PLA2G4F: variants seen among roughly 807,000 people sequenced by gnomAD.
The protein encoded by PLA2G4F is phospholipase A2 group IVF.
PLA2G4F carries 105 observed loss-of-function variants against 103.1 expected under a neutral mutation model. The ratio of observed to expected loss-of-function variants is 1.02; its 90% CI spans 0.87 to 1.20. The LOEUF (loss-of-function observed/expected upper bound fraction) is 1.20, where lower values mean the gene tolerates loss of function less well. Among genes scored for constraint, PLA2G4F ranks in the 50% most tolerant of loss-of-function variants. The pLI is 0.00. For missense variants in PLA2G4F, 1,155 were observed against 1,075.9 expected, an observed-to-expected ratio of 1.07 and a Z score of -1.03; for synonymous variants, 468 against 441.1, an observed-to-expected ratio of 1.06 and a Z score of -0.76.
chr15:42,142,683 T>C lies in PLA2G4F; in HGVS notation c.2174A>G (p.Asp725Gly), dbSNP rs2048837938. 6.2e-7 allele frequency: 1 copy of C among 1,614,054 alleles called. No individual in the cohort carries two copies. Among genetic ancestry groups the C allele is most frequent in the East Asian group, 2.2e-5 (1 of 44,870 alleles). Residue 725 changes from aspartate to glycine, a missense_variant, in exon 19 of 20, where the codon GAC becomes GGC. By Grantham distance (94) the Asp-to-Gly change is moderately conservative. Around this residue, in one of 3 missense-constraint regions of PLA2G4F, gnomAD observed 782 missense variants for 692.9 expected, o/e 1.13. Transcript: ENST00000397272. Reference protein sequence around the residue: ...VLKMTEKYCLDRGIPFPSIEV... With the variant: ...VLKMTEKYCLGRGIPFPSIEV... ...GATGCTAGGGAAGGGGATTCCTCGGTCCAGGCAGTACTTCTCTGTCATCTT... is the reference window on the plus strand; with the variant it reads ...GATGCTAGGGAAGGGGATTCCTCGGCCCAGGCAGTACTTCTCTGTCATCTT...
chr15:42,149,011 C>T, intron 11 of PLA2G4F: 1 of 985,342 alleles, frequency 1.0e-6, no homozygotes, highest in Non-Finnish European at 1.2e-6. Flanking sequence ...CTGGAGGAAG[C>T]CGGCAGCCTA....
chr15:42,155,123 A>T (rs1476465594), intron 2 of PLA2G4F, among the ~76,000 whole-genome samples: 1 of 151,710 alleles, frequency 6.6e-6, no homozygotes, highest in Non-Finnish European at 1.5e-5. Context: ...GTTCACACAC[A>T]CTCGCACTCA....
At chr15:42,153,481 T>G in intron 5 of PLA2G4F, 139 bp from the exon 6 acceptor site, 1 of 1,458,586 alleles carries the variant, frequency 6.9e-7, no homozygotes, top group Non-Finnish European at 9.5e-7. Flanking sequence ...CCGCCCAACA[T>G]GCAGATGGGT....
At chr15:42,144,253 C>T in intron 17 of PLA2G4F, 109 bp from the exon 18 acceptor site, 4 of 1,433,404 alleles carry the variant, frequency 2.8e-6, no homozygotes, top group Non-Finnish European at 3.8e-6. Flanking sequence ...TTCTCTCTGA[C>T]AGCCATGGAG....
rs12593970 is a variant in PLA2G4F, at chr15:42,146,311, C to T, written c.1420-70G>A. The stretch of plus-strand genomic sequence containing the variant: ...ATTCCCCATCCCCGTGGCCTGGGGC[C>T]GGCACCCTGCAAGGCGTGGTGTGCC... On this transcript the variant is annotated intron_variant, in intron 13 of 19. Coordinates refer to ENST00000397272, the MANE Select transcript of PLA2G4F (RefSeq NM_213600.4). 0.025 allele frequency: 35,846 copies of T among 1,419,174 alleles called. 3,846 individuals carry two copies. In the Admixed American group the frequency reaches 0.3, roughly 12 times the overall value. The allele number at this position is 1,419,174 out of a possible 1,614,324, so 87.9% of individuals were successfully genotyped here. A position where few individuals can be genotyped will look rare whatever the true frequency, so the allele number is the denominator to read the frequency against.
chr15:42,149,568 GGTCCT>G lies in PLA2G4F; in HGVS notation c.1059+140_1059+144del, dbSNP rs1380801378. 90 of 1,434,112 alleles carry G rather than the reference GGTCCT, an allele frequency of 6.3e-5. No individual in the cohort carries two copies. In the Admixed American group the frequency reaches 2.4e-3, roughly 38 times the overall value. The allele number at this position is 1,434,112 out of a possible 1,614,324, so 88.8% of individuals were successfully genotyped here. A position where few individuals can be genotyped will look rare whatever the true frequency, so the allele number is the denominator to read the frequency against. On this transcript the variant is annotated intron_variant, in intron 11 of 19. Transcript: ENST00000397272. ...GCCGTTTGGCCCTGGTCCCATATGGGGTCCTAGCTCTGCCGATGGTGCCCACAGCT... is the reference window on the plus strand; with the variant it reads ...GCCGTTTGGCCCTGGTCCCATATGGGAGCTCTGCCGATGGTGCCCACAGCT...
chr15:42,144,740 G>C, intron 16 of PLA2G4F, 96 bp from the exon 17 acceptor site: 8 of 1,259,942 alleles, frequency 6.3e-6, no homozygotes, highest in Non-Finnish European at 5.3e-6. Context: ...CCAACAGTGA[G>C]CCCTCCCCAC....
At chr15:42,147,561 C>G (rs905641077) in intron 12 of PLA2G4F, 65 bp downstream of exon 12, 1 of 1,567,888 alleles carries the variant, frequency 6.4e-7, no homozygotes. Flanking sequence ...CTTAAGATCA[C>G]CAGGTCACAA....
At chr15:42,156,058 G>A (rs976125611) in intron 1 of PLA2G4F, among the ~76,000 whole-genome samples, 1 of 152,100 alleles carries the variant, frequency 6.6e-6, no homozygotes, top group Non-Finnish European at 1.5e-5. Flanking sequence ...GTCACCGGCC[G>A]GCCGGTACCG....
At chr15:42,150,344 G>A in intron 9 of PLA2G4F, 29 bp downstream of exon 9, 2 of 1,579,880 alleles carry the variant, frequency 1.3e-6, no homozygotes, top group Non-Finnish European at 1.7e-6. Flanking sequence ...GCAGGCAGGG[G>A]TCCCTCTGGC....
chr15:42,155,700 G>T, intron 1 of PLA2G4F, 111 bp from the exon 2 acceptor site: 2 of 1,074,416 alleles, frequency 1.9e-6, no homozygotes, highest in Non-Finnish European at 2.8e-6. Context: ...GGTCACTGAC[G>T]TCTCTGTGCC....
At chr15:42,151,789 C>T (rs2048964951) in intron 7 of PLA2G4F, 1 of 506,960 alleles carries the variant, frequency 2.0e-6, no homozygotes, top group African/African-American at 2.1e-5. Context: ...TGTCACCGAC[C>T]TGGGTTTGAC....
In PLA2G4F at chr15:42,147,200, A is replaced by T; in HGVS notation, c.1343T>A (p.Val448Asp). 6.2e-7 allele frequency: 1 copy of T among 1,612,648 alleles called. No individual in the cohort carries two copies. Among genetic ancestry groups the T allele is most frequent in the Non-Finnish European group, 8.5e-7 (1 of 1,179,948 alleles). Residue 448 changes from valine (V) to aspartate (D), a missense_variant, in exon 13 of 20, where the codon GTC (valine) becomes GAC (aspartate). By Grantham distance (152) the Val-to-Asp change is radical. This residue lies in a region of PLA2G4F where 782 missense variants were observed against 692.9 expected (regional missense o/e 1.13). Coordinates refer to ENST00000397272, the MANE Select transcript of PLA2G4F (RefSeq NM_213600.4). Reference sequence around the variant, plus strand: ...CACGCTGTGGCCACTGCGCTCCCGGACCCCCAGTTCCTGAGTGTAGTACTG... The same window carrying T: ...CACGCTGTGGCCACTGCGCTCCCGGTCCCCCAGTTCCTGAGTGTAGTACTG... ...RLQYYTQELG[V>D]RERSGHSVSL... is the part of the protein sequence containing the mutation.
chr15:42,150,851 G>T (rs74009020), intron 7 of PLA2G4F, 74 bp from the exon 8 acceptor site: 2 of 1,533,986 alleles, frequency 1.3e-6, no homozygotes, highest in Non-Finnish European at 1.7e-6. Flanking sequence ...TGCTGGCAGC[G>T]CCCCAGCAGC....
Position 42,147,210 on chromosome 15 carries a change from C to T in PLA2G4F, c.1333G>A (p.Glu445Lys), listed in dbSNP as rs1278532575. The T allele has an allele frequency of 1.2e-6, 2 of 1,613,056 alleles. No homozygotes were observed. Among genetic ancestry groups the T allele is most frequent in the Middle Eastern group, 1.7e-4 (1 of 5,728 alleles). The change falls in exon 13 of 20, where the codon GAA becomes AAA. Residue 445 changes from glutamate (E) to lysine (K), a missense_variant. Around this residue, in one of 3 missense-constraint regions of PLA2G4F, gnomAD observed 782 missense variants for 692.9 expected, o/e 1.13. Coordinates refer to ENST00000397272, the MANE Select transcript of PLA2G4F (RefSeq NM_213600.4). The stretch of plus-strand genomic sequence containing the variant: ...CCACTGCGCTCCCGGACCCCCAGTT[C>T]CTGAGTGTAGTACTGTAGCCGCTCC... ...STERLQYYTQ[E>K]LGVRERSGHS...
intron 18 of PLA2G4F, among the ~76,000 whole-genome samples, chr15:42,143,066 C>A (rs2141125025): frequency 6.6e-6 from 1 of 150,918 alleles, no homozygotes; most frequent in Admixed American, 6.6e-5. Flanking sequence ...ATAGTCCCAG[C>A]TACTCGGGAG....
In PLA2G4F at chr15:42,144,063, T is replaced by C; in HGVS notation, c.2057A>G (p.Asn686Ser). 1 of 1,613,864 alleles carries C rather than the reference T, an allele frequency of 6.2e-7. No individual in the cohort carries two copies. The highest frequency in any genetic ancestry group is 8.5e-7 in the Non-Finnish European group (1 of 1,179,936). Residue 686 changes from asparagine (N) to serine (S), a missense_variant, in exon 18 of 20, where the codon AAC (asparagine) becomes AGC (serine). Physicochemically the swap from Asn to Ser is conservative, Grantham distance 46 (BLOSUM62 1). Coordinates refer to ENST00000397272, the MANE Select transcript of PLA2G4F (RefSeq NM_213600.4). ...CAGCAGAGCCAGTGGGAACGGAGAG[T>C]TGATGGCAAAGCCTCCGTCCACCAG... ...LYLVDGGFAI[N>S]SPFPLALLPQ...
intron 19 of PLA2G4F, 25 bp downstream of exon 19, chr15:42,142,503 G>T: frequency 6.2e-7 from 1 of 1,601,390 alleles, no homozygotes; most frequent in Non-Finnish European, 8.5e-7. Context: ...CTGTGGGTCA[G>T]TCCCAGGCCT....
Position 42,146,129 on chromosome 15 carries a change from G to A in PLA2G4F, c.1532C>T (p.Ala511Val), listed in dbSNP as rs769149240. The A allele has an allele frequency of 2.5e-6, 4 of 1,613,918 alleles. No homozygotes were observed. The highest frequency in any genetic ancestry group is 3.4e-6 in the Non-Finnish European group (4 of 1,179,890). ...VRTNLSGEDFAEWCEFTPYEV... is the reference protein window; with the variant it reads ...VRTNLSGEDFVEWCEFTPYEV... ...CCTTCGTCTCCACACCCAGGCACCT[G>A]CAAAATCTTCCCCACTCAAGTTGGT... The change falls in exon 14 of 20, where the codon GCA becomes GTA. Residue 511 changes from alanine (A) to valine (V), a missense_variant and splice_region_variant. By Grantham distance (64) the Ala-to-Val change is moderately conservative. Around this residue, in one of 3 missense-constraint regions of PLA2G4F, gnomAD observed 782 missense variants for 692.9 expected, o/e 1.13. Transcript: ENST00000397272.
Sources: gnomAD v4.1 joint callset for allele counts (sites outside exome capture counted in the v4.1 genomes callset) on GRCh38, gnomAD v4.1.1 for gene constraint, gnomAD v4.1.1 regional missense constraint, MANE v1.5 for transcripts, NCBI Gene and HGNC (gene_info 2026-07-23, HGNC 2026-07-21) for gene names.